The following SNTG1 variants were observed in gnomAD, a reference collection of about 807,000 sequenced individuals.
SNTG1 encodes the protein syntrophin gamma 1, also known as gamma-1-syntrophin.
In SNTG1, 39 loss-of-function variants were observed where a neutral mutation model predicts 74.7. The ratio of observed to expected loss-of-function variants is 0.52; its 90% CI spans 0.40 to 0.68. The LOEUF is 0.68. Ranked by LOEUF, SNTG1 falls within the 30% of genes least tolerant of loss-of-function variation. The pLI is 0.00. For synonymous variants in SNTG1, 254 were observed against 217.1 expected, an observed-to-expected ratio of 1.17 and a Z score of -1.49; for missense variants, 685 against 609.5, an observed-to-expected ratio of 1.12 and a Z score of -1.30.
In SNTG1 at chr8:49,932,700, A is replaced by C. The variant is rs572265145; in HGVS notation, c.-103+20469A>C. Among the ~76,000 whole-genome samples, 6 of 152,274 alleles carry C rather than the reference A, an allele frequency of 3.9e-5. No homozygotes were observed. The South Asian group carries it at 1.2e-3, about 32-fold the overall frequency. ...AGTCTATTTACAAGGTTGTGCAACC[A>C]TCACCACTATTTAATTTCAGAATGT... is the stretch of plus-strand genomic sequence containing the variant. On this transcript the variant is annotated intron_variant, in intron 1 of 18. Transcript: ENST00000642720.
At chr8:50,466,318 T>C (rs1354659868) in intron 8 of SNTG1, among the ~76,000 whole-genome samples, 2 of 152,114 alleles carry the variant, frequency 1.3e-5, no homozygotes, top group Non-Finnish European at 2.9e-5. Context: ...AATTTCCCAT[T>C]GAATTGCCAT....
intron 1 of SNTG1, among the ~76,000 whole-genome samples, chr8:50,140,052 C>T (rs140969605): frequency 3.2e-4 from 48 of 152,224 alleles, no homozygotes; most frequent in African/African-American, 9.4e-4. Flanking sequence ...AGTAAATGGC[C>T]GCGAAACTTG....
chr8:50,141,238 G>T (rs1563650052), intron 1 of SNTG1, among the ~76,000 whole-genome samples: 2 of 152,146 alleles, frequency 1.3e-5, no homozygotes, highest in Non-Finnish European at 1.5e-5. Context: ...GTAAGTGCAG[G>T]ATTGCTACAT....
chr8:50,256,091 C>T (rs2086866954), intron 2 of SNTG1, among the ~76,000 whole-genome samples: 1 of 152,114 alleles, frequency 6.6e-6, no homozygotes. Context: ...CTATACTTTG[C>T]CTGCTTGTAT....
In SNTG1 at chr8:50,656,978, T is replaced by C; in HGVS notation, c.919T>C (p.Phe307Leu). Residue 307 changes from phenylalanine (F) to leucine (L), a missense_variant, in exon 14 of 19, where the codon TTC becomes CTC. Physicochemically the swap from Phe to Leu is conservative, Grantham distance 22. Coordinates refer to ENST00000642720, the MANE Select transcript of SNTG1 (RefSeq NM_018967.5). ...CCAGGACAGAGTGTACTCCCCGACC[T>C]TCCTGGCCCTGAGGGGCTCATGTCT... ...PLQDRVYSPT[F>L]LALRGSCLYK... The C allele has an allele frequency of 6.3e-7, 1 of 1,593,440 alleles. No homozygotes were observed. Among genetic ancestry groups the C allele is most frequent in the Non-Finnish European group, 8.5e-7 (1 of 1,170,562 alleles).
chr8:50,022,655 T>C (rs1229773095), intron 1 of SNTG1, among the ~76,000 whole-genome samples: 1 of 152,192 alleles, frequency 6.6e-6, no homozygotes, highest in African/African-American at 2.4e-5. Context: ...GTTTGTTTTG[T>C]TCTTTCGTTC....
intron 18 of SNTG1, among the ~76,000 whole-genome samples, chr8:50,779,981 T>C (rs1046121965): frequency 2.0e-4 from 30 of 152,116 alleles, no homozygotes; most frequent in African/African-American, 7.0e-4. Context: ...TTGTCTTTGG[T>C]TCTGTTTATA....
chr8:50,389,810 T>G lies in SNTG1; in HGVS notation c.-27-4402T>G, dbSNP rs1404571910. On this transcript the variant is annotated intron_variant, in intron 2 of 18. Transcript: ENST00000642720. Reference sequence around the variant, plus strand: ...TCAAGATGATATCTCATTGTGGTTTTGATTTTCATTTCTCTGATGGCCAGT... The same window carrying G: ...TCAAGATGATATCTCATTGTGGTTTGGATTTTCATTTCTCTGATGGCCAGT... Among the ~76,000 whole-genome samples, 9 of 152,358 alleles carry G rather than the reference T, an allele frequency of 5.9e-5. No homozygotes were observed. In the East Asian group the frequency reaches 1.7e-3, roughly 29 times the overall value.
At position 50,126,369 on chromosome 8, in the gene SNTG1, G is replaced by A. The variant is rs570962208; in HGVS notation, c.-102-46192G>A. On this transcript the variant is annotated intron_variant, in intron 1 of 18. Coordinates refer to ENST00000642720, the MANE Select transcript of SNTG1 (RefSeq NM_018967.5). ...ATAACTGATACAGGAGAAGAAATAG[G>A]TTTGAATGCAAGGAAAAGAAGCTTT... 6.6e-5 allele frequency among the ~76,000 whole-genome samples: 10 copies of A among 152,178 alleles called. 1 individual carries two copies. In the South Asian group the frequency reaches 2.1e-3, roughly 32 times the overall value.
intron 2 of SNTG1, among the ~76,000 whole-genome samples, chr8:50,363,596 T>G (rs999908340): frequency 1.3e-5 from 2 of 152,196 alleles, no homozygotes; most frequent in African/African-American, 4.8e-5. Flanking sequence ...CACAGAATTG[T>G]AAGACATATT....
At position 49,982,312 on chromosome 8, in the gene SNTG1, TTG is replaced by T. The variant is rs1322218612; in HGVS notation, c.-103+70084_-103+70085del. Among the ~76,000 whole-genome samples the T allele has an allele frequency of 5.7e-4, 86 of 152,210 alleles. 1 individual carries two copies. The highest frequency in any genetic ancestry group is 1.3e-4 in the Non-Finnish European group (9 of 67,990). ...CTTCATTTTGAGAGCTCAAAATATT[TTG>T]TGAGTTCAGGTGACTTTGACTTCTT... is the stretch of plus-strand genomic sequence containing the variant. On this transcript the variant is annotated intron_variant, in intron 1 of 18. Coordinates refer to ENST00000642720, the MANE Select transcript of SNTG1 (RefSeq NM_018967.5).
chr8:50,253,527 C>T lies in SNTG1; in HGVS notation c.-28+80892C>T, dbSNP rs182214591. ...TTGGTATGTCAAAGAGATTTCTGCT[C>T]TCCCATGTTAATTGTAGCACTATTT... On this transcript the variant is annotated intron_variant, in intron 2 of 18. Coordinates refer to ENST00000642720, the MANE Select transcript of SNTG1 (RefSeq NM_018967.5). 7.2e-5 allele frequency among the ~76,000 whole-genome samples: 11 copies of T among 152,248 alleles called. No individual in the cohort carries two copies. In the East Asian group the frequency reaches 1.9e-3, roughly 27 times the overall value.
rs189872126 is a variant in SNTG1, at chr8:50,320,283, C to T, written c.-27-73929C>T. On this transcript the variant is annotated intron_variant, in intron 2 of 18. Coordinates refer to ENST00000642720, the MANE Select transcript of SNTG1 (RefSeq NM_018967.5). The stretch of plus-strand genomic sequence containing the variant: ...AATCTGTTCATTTCTTTTAGATTTC[C>T]CAATTTATTGGCACAAAGTTGCTTA... Among the ~76,000 whole-genome samples, 559 of 152,122 alleles carry T rather than the reference C, an allele frequency of 3.7e-3. 6 individuals carry two copies. Among genetic ancestry groups the T allele is most frequent in the African/African-American group, 0.012 (506 of 41,536 alleles).
chr8:50,419,083 G>A (rs930340181), intron 4 of SNTG1, among the ~76,000 whole-genome samples: 3 of 152,052 alleles, frequency 2.0e-5, no homozygotes, highest in Admixed American at 1.3e-4. Flanking sequence ...TAGGATTTGA[G>A]GAAGTCATAG....
intron 1 of SNTG1, among the ~76,000 whole-genome samples, chr8:49,973,985 T>C (rs1028785964): frequency 3.9e-5 from 6 of 152,198 alleles, no homozygotes; most frequent in Non-Finnish European, 7.4e-5. Flanking sequence ...TAAGCCCCAA[T>C]TTTTTATGTC....
At chr8:49,994,124 A>T (rs1049165526) in intron 1 of SNTG1, among the ~76,000 whole-genome samples, 2 of 152,156 alleles carry the variant, frequency 1.3e-5, no homozygotes, top group African/African-American at 4.8e-5. Context: ...ATATGGATAT[A>T]CCTATAAAAC....
intron 1 of SNTG1, among the ~76,000 whole-genome samples, chr8:50,115,468 G>A (rs2080776596): frequency 6.6e-6 from 1 of 151,142 alleles, no homozygotes; most frequent in Non-Finnish European, 1.5e-5. Context: ...GGGGTGGCTA[G>A]GTGGGAGAAT....
chr8:50,397,895 G>A (rs2092748262), intron 3 of SNTG1, among the ~76,000 whole-genome samples: 1 of 152,114 alleles, frequency 6.6e-6, no homozygotes, highest in South Asian at 2.1e-4. Flanking sequence ...GTTAATTTTT[G>A]TTAAGGGAGA....
chr8:49,931,288 T>C (rs1459352708), intron 1 of SNTG1, among the ~76,000 whole-genome samples: 1 of 152,174 alleles, frequency 6.6e-6, no homozygotes, highest in Non-Finnish European at 1.5e-5. Context: ...TATCCACATA[T>C]CCTATAAACC....
Sources: gnomAD v4.1 joint callset for allele counts (sites outside exome capture counted in the v4.1 genomes callset) on GRCh38, gnomAD v4.1.1 for gene constraint, MANE v1.5 for transcripts, NCBI Gene and HGNC (gene_info 2026-07-23, HGNC 2026-07-21) for gene names.